Variants in MIPOL1 observed in about 807,000 individuals in gnomAD.
MIPOL1 encodes mirror-image polydactyly 1.
In MIPOL1, 57 loss-of-function variants were observed where a neutral mutation model predicts 60.9. That is an observed-to-expected ratio of 0.94 (90% CI 0.76 to 1.17). MIPOL1 has a LOEUF of 1.17. MIPOL1 is among the 50% of genes most tolerant of loss of function. The pLI is 0.00. For synonymous variants in MIPOL1, 179 were observed against 168.8 expected (o/e 1.06, Z -0.47); for missense variants, 551 against 511.6 (o/e 1.08, Z -0.74).
At chr14:37,278,939 G>A (rs554880099) in intron 6 of MIPOL1, 1 of 151,760 alleles carries the variant, frequency 6.6e-6, no homozygotes, top group South Asian at 2.1e-4. Flanking sequence ...ACAAATTTGA[G>A]TATTTGGTTG....
intron 9 of MIPOL1, among the ~76,000 whole-genome samples, chr14:37,310,199 C>CTCTTA (rs58489798): frequency 2.6e-5 from 4 of 152,068 alleles, no homozygotes; most frequent in African/African-American, 9.7e-5. Flanking sequence ...AAATGAATCT[C>CTCTTA]TCTGTTTTGT....
intron 1 of MIPOL1, among the ~76,000 whole-genome samples, chr14:37,206,673 GC>G (rs913570531): frequency 1.3e-5 from 2 of 152,198 alleles, no homozygotes; most frequent in African/African-American, 4.8e-5. Flanking sequence ...TGGGAGGGAG[GC>G]TGTACCCTGC....
chr14:37,261,327 TGA>T (rs1162396206), intron 3 of MIPOL1, among the ~76,000 whole-genome samples: 4 of 151,962 alleles, frequency 2.6e-5, no homozygotes, highest in Non-Finnish European at 5.9e-5. Flanking sequence ...TTAGTATTTC[TGA>T]GAGATTTTTT....
At chr14:37,377,770 AC>A (rs1334279340) in intron 10 of MIPOL1, among the ~76,000 whole-genome samples, 1 of 135,118 alleles carries the variant, frequency 7.4e-6, no homozygotes, top group East Asian at 2.1e-4. Context: ...TTTTTAAGAG[AC>A]AGGCTCTTTC....
rs373998561 is a variant in MIPOL1, at chr14:37,205,980, C to A, written c.-199+7876C>A. 1.1e-3 allele frequency among the ~76,000 whole-genome samples: 163 copies of A among 152,230 alleles called. 3 individuals carry two copies. In the South Asian group the frequency reaches 0.033, roughly 30 times the overall value. On this transcript the variant is annotated intron_variant, in intron 1 of 12. Coordinates refer to ENST00000684589, the MANE Select transcript of MIPOL1 (RefSeq NM_001388067.1). The stretch of plus-strand genomic sequence containing the variant: ...ATAAGGGAAGCAGAGCATAAAAGTT[C>A]AGAAAATTTGCAGCCTGACCCTGCA...
At chr14:37,489,783 G>A (rs2095019145) in intron 11 of MIPOL1, among the ~76,000 whole-genome samples, 1 of 152,176 alleles carries the variant, frequency 6.6e-6, no homozygotes, top group Admixed American at 6.5e-5. Flanking sequence ...AGCAGAAGTT[G>A]CAGAATAGCA....
chr14:37,469,107 A>G (rs939709606), intron 11 of MIPOL1, among the ~76,000 whole-genome samples: 1 of 152,268 alleles, frequency 6.6e-6, no homozygotes, highest in Admixed American at 6.5e-5. Context: ...TGAAAAGACT[A>G]TTGTGGTTTA....
chr14:37,508,520 T>A (rs1037891795), intron 12 of MIPOL1, among the ~76,000 whole-genome samples: 1 of 152,200 alleles, frequency 6.6e-6, no homozygotes, highest in Admixed American at 6.5e-5. Context: ...AAGACCTTCA[T>A]GTATCTTCAG....
intron 7 of MIPOL1, among the ~76,000 whole-genome samples, chr14:37,293,407 C>T (rs1197568250): frequency 6.6e-6 from 1 of 152,114 alleles, no homozygotes; most frequent in Admixed American, 6.5e-5. Context: ...GTGATTTCTG[C>T]ATTTCCAACT....
At chr14:37,363,463 G>A (rs1236518300) in intron 9 of MIPOL1, among the ~76,000 whole-genome samples, 2 of 152,162 alleles carry the variant, frequency 1.3e-5, no homozygotes, top group Non-Finnish European at 2.9e-5. Flanking sequence ...AGTAAATATT[G>A]CAGAACAGCA....
intron 7 of MIPOL1, among the ~76,000 whole-genome samples, chr14:37,306,592 A>G (rs926574984): frequency 2.0e-5 from 3 of 151,856 alleles, no homozygotes; most frequent in Admixed American, 1.3e-4. Flanking sequence ...TAAGATAAAT[A>G]TTTCTCACCA....
At chr14:37,359,103 T>C (rs1394046200) in intron 9 of MIPOL1, among the ~76,000 whole-genome samples, 1 of 152,182 alleles carries the variant, frequency 6.6e-6, no homozygotes, top group Non-Finnish European at 1.5e-5. Flanking sequence ...CCTTTCCCCA[T>C]TGCTAGTTTT....
chr14:37,499,479 C>T (rs1162102203), intron 11 of MIPOL1, among the ~76,000 whole-genome samples: 1 of 151,996 alleles, frequency 6.6e-6, no homozygotes, highest in African/African-American at 2.4e-5. Context: ...TTTGCATAAA[C>T]CTCATCCATT....
chr14:37,359,846 C>T (rs943054104), intron 9 of MIPOL1, among the ~76,000 whole-genome samples: 27 of 152,172 alleles, frequency 1.8e-4, no homozygotes, highest in African/African-American at 6.5e-4. Flanking sequence ...GCCAGAACTT[C>T]CAACACTATG....
At chr14:37,279,972 A>T (rs138557009) in intron 6 of MIPOL1, among the ~76,000 whole-genome samples, 185 of 152,126 alleles carry the variant, frequency 1.2e-3, no homozygotes, top group African/African-American at 4.0e-3. Context: ...TCTGGTAGCT[A>T]TTGTTCTACT....
chr14:37,199,189 A>C (rs1179847900), intron 1 of MIPOL1, among the ~76,000 whole-genome samples: 2 of 152,008 alleles, frequency 1.3e-5, no homozygotes, highest in Non-Finnish European at 2.9e-5. Context: ...GAATTTTCAC[A>C]AAGTGTAAAT....
At chr14:37,243,828 C>T (rs959619892) in intron 1 of MIPOL1, among the ~76,000 whole-genome samples, 11 of 152,050 alleles carry the variant, frequency 7.2e-5, no homozygotes, top group African/African-American at 2.4e-4. Context: ...GTCAGAATTA[C>T]TTACAATTTT....
chr14:37,260,337 T>G (rs2082435523), intron 3 of MIPOL1, among the ~76,000 whole-genome samples: 1 of 152,116 alleles, frequency 6.6e-6, no homozygotes, highest in African/African-American at 2.4e-5. Context: ...CACTGTTTTG[T>G]TCCAGTATAT....
chr14:37,236,099 G>A (rs963974558), intron 1 of MIPOL1, among the ~76,000 whole-genome samples: 16 of 151,500 alleles, frequency 1.1e-4, no homozygotes, highest in Non-Finnish European at 2.1e-4. Context: ...GCTAATTTTT[G>A]TATTTTAGTA....
Sources: gnomAD v4.1 joint callset for allele counts (sites outside exome capture counted in the v4.1 genomes callset) on GRCh38, gnomAD v4.1.1 for gene constraint, MANE v1.5 for transcripts, NCBI Gene and HGNC (gene_info 2026-07-23, HGNC 2026-07-21) for gene names.